The following DMD variants were observed in gnomAD, a reference collection of about 807,000 sequenced individuals.
The protein encoded by DMD is mutant dystrophin.
DMD carries 63 observed loss-of-function variants against 330.1 expected under a neutral mutation model. The observed-to-expected ratio is 0.19, with a 90% CI of 0.16 to 0.24. DMD has a LOEUF of 0.24. Among genes scored for constraint, DMD ranks in the 10% least tolerant of loss-of-function variants. The probability of loss-of-function intolerance (pLI) is 1.00; values close to 1 mark genes in which losing one functional copy is unlikely to be tolerated. For missense variants in DMD, 3,344 were observed against 2,684.1 expected (o/e 1.25, Z -5.43); for synonymous variants, 1,223 against 959.8 (o/e 1.27, Z -5.07).
chrX:32,878,338 A>G (rs1303583207), intron 2 of DMD, among the ~76,000 whole-genome samples: 1 of 111,732 alleles, frequency 8.9e-6, no homozygotes, highest in Non-Finnish European at 1.9e-5. Context: ...AGATTGCTCC[A>G]CTGCACCCCA....
intron 48 of DMD, among the ~76,000 whole-genome samples, chrX:31,865,872 A>G (rs757918643): frequency 1.8e-5 from 2 of 111,743 alleles, no homozygotes; most frequent in African/African-American, 6.5e-5. Context: ...GACCTCATTC[A>G]TGTTTCCTTT....
chrX:32,617,831 G>A (rs2057698614), intron 11 of DMD, among the ~76,000 whole-genome samples: 1 of 111,324 alleles, frequency 9.0e-6, no homozygotes, highest in African/African-American at 3.3e-5. Context: ...TATATCTGAT[G>A]GGGGTTCATA....
chrX:32,400,563 A>C (rs2147786711), intron 30 of DMD, among the ~76,000 whole-genome samples: 1 of 111,281 alleles, frequency 9.0e-6, no homozygotes, highest in South Asian at 3.8e-4. Flanking sequence ...CTCTGCAGCC[A>C]AAAAACACAT....
In DMD at chrX:31,203,979, G is replaced by T; in HGVS notation, c.9789C>A (p.Val3263=). The T allele has an allele frequency of 1.7e-6, 2 of 1,209,497 alleles. No individual in the cohort carries two copies. Among genetic ancestry groups the T allele is most frequent in the Non-Finnish European group, 1.1e-6 (1 of 893,232 alleles). Residue 3263 remains valine (V), a synonymous_variant, in exon 67 of 79, where the codon GTC becomes GTA. Coordinates refer to ENST00000357033, the MANE Select transcript of DMD (RefSeq NM_004006.3). ...SFGGSNIEPS[V]RSCFQFANNK... is the part of the protein sequence containing the mutation. ...AACTTACAAATTGGAAGCAGCTCCG[G>T]ACACTTGGCTCAATGTTACTGCCCC...
At chrX:31,196,159 C>T (rs776688266) in intron 67 of DMD, among the ~76,000 whole-genome samples, 1 of 111,591 alleles carries the variant, frequency 9.0e-6, no homozygotes, top group East Asian at 2.8e-4. Context: ...TAAGACAATA[C>T]TGATAATACT....
At chrX:32,343,375 C>G (rs1188166979) in intron 39 of DMD, 89 bp from the exon 40 acceptor site, 1 of 867,851 alleles carries the variant, frequency 1.2e-6, no homozygotes, top group African/African-American at 2.0e-5. Flanking sequence ...ATTTGCGTCC[C>G]TCATCTTTTT....
In DMD at chrX:31,681,436, C is replaced by T. The variant is rs1225190783; in HGVS notation, c.7661-1850G>A. On this transcript the variant is annotated intron_variant, in intron 52 of 78. Coordinates refer to ENST00000357033, the MANE Select transcript of DMD (RefSeq NM_004006.3). ...AAAGCAGAGAATTGGAATGAGAAACCACCCTGAGAAGAGCAATAACCTTTT... is the reference window on the plus strand; with the variant it reads ...AAAGCAGAGAATTGGAATGAGAAACTACCCTGAGAAGAGCAATAACCTTTT... Among the ~76,000 whole-genome samples, 10 of 112,256 alleles carry T rather than the reference C, an allele frequency of 8.9e-5. No homozygotes were observed. In the Admixed American group the frequency reaches 9.4e-4, roughly 11 times the overall value.
intron 44 of DMD, among the ~76,000 whole-genome samples, chrX:32,027,195 G>C (rs1165114454): frequency 3.7e-4 from 36 of 96,625 alleles, no homozygotes; most frequent in African/African-American, 1.3e-3. Context: ...GAGAGAGAGA[G>C]AGAGAGAGAG....
intron 1 of DMD, among the ~76,000 whole-genome samples, chrX:33,113,590 GCC>G (rs35940958): frequency 0.48 from 48,921 of 102,236 alleles, 8,468 homozygotes; most frequent in Admixed American, 0.54. Flanking sequence ...CATCATTCTT[GCC>G]CCCCCCCCCA....
intron 63 of DMD, among the ~76,000 whole-genome samples, chrX:31,231,607 C>T (rs943371631): frequency 1.2e-4 from 13 of 112,540 alleles, no homozygotes; most frequent in East Asian, 2.8e-4. Context: ...AGGCCAGGTG[C>T]GGTGGCTCGC....
At chrX:32,915,796 A>C (rs1421881782) in intron 2 of DMD, among the ~76,000 whole-genome samples, 1 of 111,837 alleles carries the variant, frequency 8.9e-6, no homozygotes, top group Non-Finnish European at 1.9e-5. Flanking sequence ...TTATTCATGT[A>C]TTAAAAACTG....
chrX:32,741,788 T>TA (rs2069309461), intron 7 of DMD, among the ~76,000 whole-genome samples: 1 of 112,050 alleles, frequency 8.9e-6, no homozygotes. Flanking sequence ...TTGTATACTT[T>TA]AAACAGATGA....
intron 2 of DMD, among the ~76,000 whole-genome samples, chrX:32,873,137 G>GTCATATAAC (rs2149155213): frequency 9.0e-6 from 1 of 110,892 alleles, no homozygotes; most frequent in South Asian, 3.8e-4. Flanking sequence ...TATAACCCAG[G>GTCATATAAC]CCTGTAGGTC....
chrX:31,590,452 C>A (rs371600922), intron 55 of DMD, among the ~76,000 whole-genome samples: 8 of 111,447 alleles, frequency 7.2e-5, no homozygotes, highest in South Asian at 3.7e-4. Context: ...TGTTAAGTTG[C>A]GAAGTAACTT....
intron 30 of DMD, among the ~76,000 whole-genome samples, chrX:32,409,719 T>G (rs1406047627): frequency 8.9e-6 from 1 of 112,028 alleles, no homozygotes; most frequent in Non-Finnish European, 1.9e-5. Context: ...ACTGCTCAAA[T>G]TTTTCCTTAA....
chrX:32,874,638 CT>C (rs2083245045), intron 2 of DMD, among the ~76,000 whole-genome samples: 1 of 111,731 alleles, frequency 9.0e-6, no homozygotes, highest in South Asian at 3.7e-4. Context: ...GCATCTAATT[CT>C]CCCCTTAAAG....
At chrX:31,892,986 A>G (rs1286219257) in intron 47 of DMD, among the ~76,000 whole-genome samples, 2 of 112,151 alleles carry the variant, frequency 1.8e-5, no homozygotes, top group African/African-American at 3.2e-5. Flanking sequence ...AAAATAACAT[A>G]TGTGGCTCAC....
intron 50 of DMD, among the ~76,000 whole-genome samples, chrX:31,803,676 TTCTC>T (rs747729240): frequency 0.14 from 12,155 of 87,619 alleles, 743 homozygotes; most frequent in East Asian, 0.17. Context: ...CTTTCTCTGT[TTCTC>T]TCTCTCTCTC....
At chrX:31,559,209 T>C (rs1035861161) in intron 55 of DMD, among the ~76,000 whole-genome samples, 1 of 111,723 alleles carries the variant, frequency 9.0e-6, no homozygotes, top group African/African-American at 3.3e-5. Flanking sequence ...GAAATCAGAA[T>C]CTAGCCCTTC....
Sources: allele counts gnomAD v4.1 joint callset (sites outside exome capture counted in the v4.1 genomes callset), GRCh38; gene constraint gnomAD v4.1.1; transcripts MANE v1.5; gene names NCBI Gene and HGNC (gene_info 2026-07-23, HGNC 2026-07-21).